Variants in DGKE observed in about 807,000 individuals in gnomAD.
DGKE encodes the protein DAG kinase epsilon.
In DGKE, 53 loss-of-function variants were observed where a neutral mutation model predicts 70.0. The ratio of observed to expected loss-of-function variants is 0.76; its 90% CI spans 0.61 to 0.95. The LOEUF (loss-of-function observed/expected upper bound fraction) is 0.95. DGKE is among the 40% of genes least tolerant of loss of function. DGKE has a pLI of 0.00. For synonymous variants in DGKE, 291 were observed against 257.0 expected, an observed-to-expected ratio of 1.13 and a Z score of -1.27; for missense variants, 655 against 706.9, an observed-to-expected ratio of 0.93 and a Z score of 0.83.
In DGKE at chr17:56,845,967, G is replaced by A. The variant is rs114777964; in HGVS notation, c.744+158G>A. On this transcript the variant is annotated intron_variant, in intron 4 of 11. Transcript: ENST00000284061. ...TATGTGGATAAACAGGCACTCTTGTGGGAATATAAAATGGTACAACCTCTT... is the reference window on the plus strand; with the variant it reads ...TATGTGGATAAACAGGCACTCTTGTAGGAATATAAAATGGTACAACCTCTT... The A allele has an allele frequency of 2.7e-3, 1,889 of 691,530 alleles. 31 individuals carry two copies. The African/African-American group carries it at 0.031, about 12-fold the overall frequency. The allele number at this position is 691,530 out of a possible 1,614,324, so 42.8% of individuals were successfully genotyped here.
In DGKE at chr17:56,863,060, T is replaced by C. The variant is rs1908387413; in HGVS notation, c.*269T>C. On this transcript the variant is annotated 3_prime_UTR_variant, in exon 12 of 12. Transcript: ENST00000284061. ...CTTACATGAGAGTGAAAATTTGTTA[T>C]GACTGTTTTGAGAGTGGGACTCACT... is the stretch of plus-strand genomic sequence containing the variant. 7.1e-6 allele frequency: 2 copies of C among 279,958 alleles called. No individual in the cohort carries two copies. The highest frequency in any genetic ancestry group is 1.0e-4 in the South Asian group (1 of 9,550). The allele number at this position is 279,958 out of a possible 1,614,324, so 17.3% of individuals were successfully genotyped here.
In DGKE at chr17:56,866,020, C is replaced by G. The variant is rs933303812; in HGVS notation, c.*3229C>G. On this transcript the variant is annotated 3_prime_UTR_variant, in exon 12 of 12. Transcript: ENST00000284061. Reference sequence around the variant, plus strand: ...TATATTGATAATTTTTTTAATATTTCTACCCAGTTGAGGACAGTGGAATAT... The same window carrying G: ...TATATTGATAATTTTTTTAATATTTGTACCCAGTTGAGGACAGTGGAATAT... The G allele has an allele frequency of 6.6e-6, 1 of 151,978 alleles. No individual in the cohort carries two copies. The highest frequency in any genetic ancestry group is 1.5e-5 in the Non-Finnish European group (1 of 68,016). 9.4% of individuals were successfully genotyped at this position (151,978 alleles called of 1,614,324 possible).
At chr17:56,854,317 TTTG>T (rs1390544019) in intron 7 of DGKE, among the ~76,000 whole-genome samples, 2 of 151,852 alleles carry the variant, frequency 1.3e-5, no homozygotes, top group East Asian at 3.9e-4. Context: ...GTTTTTGTTT[TTTG>T]TTTTTTTTGT....
At chr17:56,851,712 G>A (rs1220101300) in intron 7 of DGKE, among the ~76,000 whole-genome samples, 3 of 152,178 alleles carry the variant, frequency 2.0e-5, no homozygotes, top group Non-Finnish European at 2.9e-5. Context: ...AGAAAGAATT[G>A]TAGGAAACAC....
At chr17:56,843,816 T>A (rs1484567883) in intron 2 of DGKE, among the ~76,000 whole-genome samples, 1 of 74,112 alleles carries the variant, frequency 1.3e-5, no homozygotes, top group Non-Finnish European at 3.1e-5. Context: ...AAAAAAAAAG[T>A]GCTGTTAGAT....
At position 56,849,241 on chromosome 17, in the gene DGKE, T is replaced by C. The variant is rs773972450; in HGVS notation, c.1098+9T>C. 1.9e-6 allele frequency: 3 copies of C among 1,609,134 alleles called. No homozygotes were observed. Among genetic ancestry groups the C allele is most frequent in the Non-Finnish European group, 2.5e-6 (3 of 1,178,446 alleles). On this transcript the variant is annotated intron_variant, in intron 7 of 11. Coordinates refer to ENST00000284061, the MANE Select transcript of DGKE (RefSeq NM_003647.3). ...ACTTAAGAAAACCCAAGGTATGTTGTTAGTGCCTCAGTTGCAAGTGGTTTC... is the reference window on the plus strand; with the variant it reads ...ACTTAAGAAAACCCAAGGTATGTTGCTAGTGCCTCAGTTGCAAGTGGTTTC...
intron 4 of DGKE, among the ~76,000 whole-genome samples, chr17:56,846,482 G>A (rs1907294092): frequency 6.6e-6 from 1 of 152,152 alleles, no homozygotes; most frequent in African/African-American, 2.4e-5. Flanking sequence ...ACTGGATGAT[G>A]GTGGTGGTTG....
At chr17:56,847,872 T>A in intron 4 of DGKE, 50 bp from the exon 5 acceptor site, 1 of 1,375,750 alleles carries the variant, frequency 7.3e-7, no homozygotes, top group Non-Finnish European at 9.8e-7. Context: ...TCATTACAGA[T>A]GAAGGAAAAT....
chr17:56,857,768 A>G (rs1908035277), intron 8 of DGKE, among the ~76,000 whole-genome samples: 1 of 152,088 alleles, frequency 6.6e-6, no homozygotes, highest in African/African-American at 2.4e-5. Flanking sequence ...GGGAGAAAAC[A>G]CCATTTAGAA....
At chr17:56,842,345 G>A (rs1232696338) in intron 2 of DGKE, among the ~76,000 whole-genome samples, 2 of 151,968 alleles carry the variant, frequency 1.3e-5, no homozygotes, top group Non-Finnish European at 2.9e-5. Flanking sequence ...AAAAAACATA[G>A]CCTAAAAACT....
At chr17:56,837,423 ATCT>A (rs1275757051) in intron 2 of DGKE, among the ~76,000 whole-genome samples, 1 of 152,162 alleles carries the variant, frequency 6.6e-6, no homozygotes, top group Non-Finnish European at 1.5e-5. Context: ...GTGATAATAA[ATCT>A]TCTTTTCTTC....
At position 56,840,487 on chromosome 17, in the gene DGKE, C is replaced by T. The variant is rs150375815; in HGVS notation, c.465-3532C>T. Among the ~76,000 whole-genome samples, 1,378 of 152,184 alleles carry T rather than the reference C, an allele frequency of 9.1e-3. 20 individuals carry two copies. Among genetic ancestry groups the T allele is most frequent in the African/African-American group, 0.031 (1,291 of 41,536 alleles). On this transcript the variant is annotated intron_variant, in intron 2 of 11. Coordinates refer to ENST00000284061, the MANE Select transcript of DGKE (RefSeq NM_003647.3). Reference sequence around the variant, plus strand: ...ACCTCCCAGGCTCAAGTGATTCACCCGCCTCAGCCTCCCGAGTAGCTGGGA... The same window carrying T: ...ACCTCCCAGGCTCAAGTGATTCACCTGCCTCAGCCTCCCGAGTAGCTGGGA...
chr17:56,858,491 GTGCTTCAACATTCTTA>G lies in DGKE; in HGVS notation c.1213-102_1213-87del. 3 of 921,708 alleles carry G rather than the reference GTGCTTCAACATTCTTA, an allele frequency of 3.3e-6. No homozygotes were observed. The South Asian group carries it at 5.4e-5, about 17-fold the overall frequency. The allele number at this position is 921,708 out of a possible 1,614,324, so 57.1% of individuals were successfully genotyped here. A position where few individuals can be genotyped will look rare whatever the true frequency, so the allele number is the denominator to read the frequency against. Reference sequence around the variant, plus strand: ...ATCTAGTCTACCATAAGGAGAATGTGTGCTTCAACATTCTTAAAGGGAGCTTTGATACAGCGTATTT... The same window carrying G: ...ATCTAGTCTACCATAAGGAGAATGTGAAGGGAGCTTTGATACAGCGTATTT... On this transcript the variant is annotated intron_variant, in intron 8 of 11. Transcript: ENST00000284061.
At chr17:56,834,555 C>T (rs1567806100) in intron 1 of DGKE, among the ~76,000 whole-genome samples, 1 of 152,142 alleles carries the variant, frequency 6.6e-6, no homozygotes, top group Non-Finnish European at 1.5e-5. Context: ...GGACGCGCTC[C>T]CGAGGTGGGG....
chr17:56,859,794 A>T (rs1367707457), intron 9 of DGKE, among the ~76,000 whole-genome samples: 1 of 152,248 alleles, frequency 6.6e-6, no homozygotes. Context: ...CAACAGAGAC[A>T]TTAATTCAGA....
chr17:56,862,336 T>G (rs1908345191), intron 11 of DGKE, 85 bp downstream of exon 11: 1 of 1,317,222 alleles, frequency 7.6e-7, no homozygotes, highest in African/African-American at 1.5e-5. Flanking sequence ...GCTATACTTT[T>G]CTTTAAACAG....
At chr17:56,836,068 C>G (rs1007472533) in intron 2 of DGKE, 4 of 152,222 alleles carry the variant, frequency 2.6e-5, no homozygotes, top group Admixed American at 6.5e-5. Context: ...ATTTCCAGCT[C>G]TGGACTAACA....
chr17:56,837,387 C>G (rs1400317703), intron 2 of DGKE, among the ~76,000 whole-genome samples: 1 of 152,084 alleles, frequency 6.6e-6, no homozygotes, highest in Non-Finnish European at 1.5e-5. Context: ...AATTTTGTAT[C>G]CTCCCATTGA....
At chr17:56,859,482 C>CCA (rs1908159966) in intron 9 of DGKE, among the ~76,000 whole-genome samples, 1 of 149,036 alleles carries the variant, frequency 6.7e-6, no homozygotes, top group Admixed American at 6.7e-5. Flanking sequence ...TGCAGTGGTG[C>CCA]GATCTCCGCT....
Sources: gnomAD v4.1 joint callset for allele counts (sites outside exome capture counted in the v4.1 genomes callset) on GRCh38, gnomAD v4.1.1 for gene constraint, MANE v1.5 for transcripts, NCBI Gene and HGNC (gene_info 2026-07-23, HGNC 2026-07-21) for gene names.